Variants in DYNLRB1 observed in about 807,000 individuals in gnomAD.
DYNLRB1 encodes the protein dynein light chain roadblock-type 1.
A neutral mutation model predicts 13.5 loss-of-function variants in DYNLRB1; 6 were observed. That is an observed-to-expected ratio of 0.44 (90% CI 0.24 to 0.88). DYNLRB1 has a LOEUF of 0.88. DYNLRB1 is among the 40% of genes least tolerant of loss of function. The pLI is 0.21. For missense variants in DYNLRB1, 93 were observed against 127.2 expected (o/e 0.73, Z 1.29); for synonymous variants, 43 against 45.0 (o/e 0.96, Z 0.18).
At chr20:34,538,836 A>C (rs1051645260) in intron 3 of DYNLRB1, among the ~76,000 whole-genome samples, 1 of 152,234 alleles carries the variant, frequency 6.6e-6, no homozygotes, top group Non-Finnish European at 1.5e-5. Flanking sequence ...CATGCTCAGC[A>C]GGGGGCAGCA....
At chr20:34,532,654 A>G (rs969602007) in intron 2 of DYNLRB1, among the ~76,000 whole-genome samples, 5 of 152,216 alleles carry the variant, frequency 3.3e-5, no homozygotes, top group African/African-American at 1.2e-4. Flanking sequence ...GGGCCCTGCC[A>G]TGCACATTGT....
intron 1 of DYNLRB1, among the ~76,000 whole-genome samples, chr20:34,521,212 A>T (rs546918063): frequency 6.6e-6 from 1 of 152,070 alleles, no homozygotes; most frequent in African/African-American, 2.4e-5. Context: ...GGGTTTCCCC[A>T]TGTTGGCCAG....
Position 34,532,099 on chromosome 20 carries a change from C to T in DYNLRB1, c.80-2529C>T, listed in dbSNP as rs117866049. ...CTACCTGGGCTCTGGTCCTGGCCCT[C>T]GGTGGGTGGGCTGTGTTTTAGCAAG... On this transcript the variant is annotated intron_variant, in intron 2 of 3. Coordinates refer to ENST00000357156, the MANE Select transcript of DYNLRB1 (RefSeq NM_014183.4). Among the ~76,000 whole-genome samples the T allele has an allele frequency of 1.1e-3, 174 of 152,268 alleles. 2 individuals are homozygous for T. The East Asian group carries it at 0.024, about 21-fold the overall frequency.
intron 1 of DYNLRB1, among the ~76,000 whole-genome samples, chr20:34,523,338 C>G (rs1424637433): frequency 6.6e-6 from 1 of 152,190 alleles, no homozygotes; most frequent in Non-Finnish European, 1.5e-5. Flanking sequence ...CAGGTCTTGT[C>G]ACTCTTTACC....
At chr20:34,516,276 A>T, upstream of DYNLRB1, 1 of 963,830 alleles carries the variant, frequency 1.0e-6, no homozygotes, top group Non-Finnish European at 1.5e-6. Context: ...TCGCTTTGCC[A>T]CAGTGGAAAG....
intron 1 of DYNLRB1, among the ~76,000 whole-genome samples, chr20:34,524,705 A>T (rs1448085062): frequency 6.6e-6 from 1 of 151,638 alleles, no homozygotes; most frequent in South Asian, 2.1e-4. Context: ...TCTTAGAGGC[A>T]TAAGTCCATT....
rs538105358 is a variant in DYNLRB1 at position 34,538,124 on chromosome 20, ATTTTTT to A, written c.248-2439_248-2434del. Among the ~76,000 whole-genome samples, 9 of 80,066 alleles carry A rather than the reference ATTTTTT, an allele frequency of 1.1e-4. No individual in the cohort carries two copies. In the East Asian group the frequency reaches 1.5e-3, roughly 13 times the overall value. 52.5% of individuals were successfully genotyped at this position (80,066 alleles called of 152,430 possible). On this transcript the variant is annotated intron_variant, in intron 3 of 3. Transcript: ENST00000357156. ...ACAGGCATGTGTCGCCACACCCAGC[ATTTTTT>A]TTTTTTTTTTTTTTTTTGGTAGAGA...
intron 1 of DYNLRB1, among the ~76,000 whole-genome samples, chr20:34,523,766 G>A (rs771701055): frequency 2.6e-5 from 4 of 152,042 alleles, no homozygotes; most frequent in Admixed American, 6.6e-5. Context: ...TGTCAGTTTC[G>A]TGACATGGGA....
intron 2 of DYNLRB1, chr20:34,530,697 T>C (rs1253910745): frequency 6.6e-6 from 1 of 152,236 alleles, no homozygotes; most frequent in East Asian, 1.9e-4. Flanking sequence ...TTCCCACTGA[T>C]CCATGGGGCC....
chr20:34,530,078 C>G, intron 2 of DYNLRB1: 1 of 1,238,756 alleles, frequency 8.1e-7, no homozygotes, highest in Non-Finnish European at 1.0e-6. Flanking sequence ...GACATTTTGA[C>G]TCCAAGGAGA....
rs1981516845 is a variant in DYNLRB1 at position 34,540,740 on chromosome 20, C to T, written c.*116C>T. 9.3e-7 allele frequency: 1 copy of T among 1,074,970 alleles called. No homozygotes were observed. The allele number at this position is 1,074,970 out of a possible 1,614,324, so 66.6% of individuals were successfully genotyped here. On this transcript the variant is annotated 3_prime_UTR_variant, in exon 4 of 4. Transcript: ENST00000357156. Reference sequence around the variant, plus strand: ...TCGCTTGGAACCCACTCACACCAATCCAGTGACCGTGTGTGGGCTGGCGGC... The same window carrying T: ...TCGCTTGGAACCCACTCACACCAATTCAGTGACCGTGTGTGGGCTGGCGGC...
intron 2 of DYNLRB1, among the ~76,000 whole-genome samples, chr20:34,531,500 C>A (rs950996581): frequency 1.3e-5 from 2 of 152,176 alleles, no homozygotes; most frequent in Non-Finnish European, 2.9e-5. Flanking sequence ...TGTACTTCCA[C>A]GTTTTCTTTT....
intron 3 of DYNLRB1, among the ~76,000 whole-genome samples, chr20:34,537,214 C>T (rs1445503007): frequency 6.6e-6 from 1 of 152,156 alleles, no homozygotes; most frequent in Non-Finnish European, 1.5e-5. Flanking sequence ...GTCACACTGT[C>T]TCTCTCCCAC....
At chr20:34,520,645 C>T (rs1428884288) in intron 1 of DYNLRB1, among the ~76,000 whole-genome samples, 6 of 152,074 alleles carry the variant, frequency 3.9e-5, no homozygotes, top group African/African-American at 9.7e-5. Flanking sequence ...AACAGGGTTT[C>T]GCCATGTTGG....
intron 1 of DYNLRB1, among the ~76,000 whole-genome samples, chr20:34,525,654 A>G (rs1980137318): frequency 6.6e-6 from 1 of 152,128 alleles, no homozygotes; most frequent in Non-Finnish European, 1.5e-5. Flanking sequence ...GAGGCCTGGC[A>G]TGGCAGAATG....
chr20:34,535,856 C>T (rs1299914963), intron 3 of DYNLRB1: 1 of 985,022 alleles, frequency 1.0e-6, no homozygotes, highest in Non-Finnish European at 1.2e-6. Context: ...ATGATTAGGA[C>T]CTGGATAAAG....
At chr20:34,530,154 G>A (rs1186985274) in intron 2 of DYNLRB1, 4 of 1,209,032 alleles carry the variant, frequency 3.3e-6, no homozygotes, top group Non-Finnish European at 4.1e-6. Context: ...CAAAGGAGAG[G>A]CCCTCATTCT....
chr20:34,517,393 A>G (rs887715886), intron 1 of DYNLRB1, among the ~76,000 whole-genome samples: 2 of 152,042 alleles, frequency 1.3e-5, no homozygotes, highest in East Asian at 3.9e-4. Context: ...TGTGTTTTTC[A>G]TTATTACACC....
intron 1 of DYNLRB1, among the ~76,000 whole-genome samples, chr20:34,517,770 A>C (rs777254970): frequency 6.6e-6 from 1 of 151,668 alleles, no homozygotes; most frequent in Non-Finnish European, 1.5e-5. Flanking sequence ...CTGGGACTAC[A>C]GGCGCCCACC....
Sources: gnomAD v4.1 joint callset for allele counts (sites outside exome capture counted in the v4.1 genomes callset) on GRCh38, gnomAD v4.1.1 for gene constraint, MANE v1.5 for transcripts, NCBI Gene and HGNC (gene_info 2026-07-23, HGNC 2026-07-21) for gene names.